The following NSUN7 variants were observed in gnomAD, a reference collection of about 807,000 sequenced individuals.
NSUN7 encodes NOP2/Sun RNA methyltransferase family member 7.
A neutral mutation model predicts 58.5 loss-of-function variants in NSUN7; 39 were observed. The ratio of observed to expected loss-of-function variants is 0.67; its 90% CI spans 0.52 to 0.87. The LOEUF (loss-of-function observed/expected upper bound fraction) is 0.87. NSUN7 is among the 40% of genes least tolerant of loss of function. The pLI is 0.00. For synonymous variants in NSUN7, 278 were observed against 303.7 expected, an observed-to-expected ratio of 0.92 and a Z score of 0.88; for missense variants, 765 against 844.1, an observed-to-expected ratio of 0.91 and a Z score of 1.16.
intron 4 of NSUN7, among the ~76,000 whole-genome samples, chr4:40,769,221 TG>T (rs1013912101): frequency 2.0e-5 from 3 of 152,204 alleles, no homozygotes; most frequent in Non-Finnish European, 4.4e-5. Flanking sequence ...TACATTTCCC[TG>T]GCCTATAACT....
intron 7 of NSUN7, among the ~76,000 whole-genome samples, chr4:40,777,169 A>G (rs1334591707): frequency 1.3e-5 from 2 of 152,090 alleles, no homozygotes; most frequent in African/African-American, 4.8e-5. Context: ...AAAGAATTAG[A>G]ACCCCCATTC....
At position 40,750,269 on chromosome 4, in the gene NSUN7, C is replaced by T. The variant is rs2154286112; in HGVS notation, c.-123C>T. ...CCGACGCCGCCCTCCGCGTCTTCGT[C>T]CCCGAAGCCCCGGGAACCATCCGCC... On this transcript the variant is annotated 5_prime_UTR_variant, in exon 1 of 12. Coordinates refer to ENST00000381782, the MANE Select transcript of NSUN7 (RefSeq NM_024677.6). 1 of 159,446 alleles carries T rather than the reference C, an allele frequency of 6.3e-6. No individual in the cohort carries two copies. 9.9% of individuals were successfully genotyped at this position (159,446 alleles called of 1,614,324 possible).
At chr4:40,789,982 T>A (rs887765128) in intron 7 of NSUN7, among the ~76,000 whole-genome samples, 33 of 151,898 alleles carry the variant, frequency 2.2e-4, no homozygotes, top group African/African-American at 8.0e-4. Flanking sequence ...CTTAAAGGTA[T>A]GATTGATGTT....
chr4:40,767,432 A>C (rs1472684334), intron 4 of NSUN7, among the ~76,000 whole-genome samples: 3 of 152,164 alleles, frequency 2.0e-5, no homozygotes, highest in Non-Finnish European at 4.4e-5. Context: ...GTTTGATTGC[A>C]CTGTGGACTG....
intron 10 of NSUN7, among the ~76,000 whole-genome samples, chr4:40,801,973 A>G (rs1378902210): frequency 1.3e-5 from 2 of 151,690 alleles, no homozygotes; most frequent in East Asian, 3.9e-4. Context: ...AGACATTTGT[A>G]TCAATGTTTT....
chr4:40,767,485 G>T (rs1741791741), intron 4 of NSUN7, among the ~76,000 whole-genome samples: 2 of 152,172 alleles, frequency 1.3e-5, no homozygotes, highest in Non-Finnish European at 2.9e-5. Flanking sequence ...CATTTGCTGA[G>T]GAGAGCTTTA....
intron 7 of NSUN7, among the ~76,000 whole-genome samples, chr4:40,789,192 C>T (rs147056845): frequency 6.6e-6 from 1 of 152,234 alleles, no homozygotes; most frequent in African/African-American, 2.4e-5. Context: ...TACTAATTTA[C>T]AGGAAGTACA....
chr4:40,804,278 A>T (rs1480309683), intron 10 of NSUN7, among the ~76,000 whole-genome samples: 1 of 151,992 alleles, frequency 6.6e-6, no homozygotes, highest in African/African-American at 2.4e-5. Flanking sequence ...CGTCTCTACT[A>T]AAAATAAAAA....
rs756427305 is a variant in NSUN7 at position 40,808,303 on chromosome 4, G to A, written c.1525-4G>A. On this transcript the variant is annotated splice_region_variant and splice_polypyrimidine_tract_variant and intron_variant, in intron 11 of 11. Transcript: ENST00000381782. ...ACATTTAGTAAATGCTTCTTTAATT[G>A]CAGCGGGACCCTTCTGAGACAGTGT... 2.5e-6 allele frequency: 4 copies of A among 1,588,816 alleles called. No homozygotes were observed. The East Asian group carries it at 9.0e-5, about 36-fold the overall frequency.
chr4:40,808,166 A>G, intron 11 of NSUN7, 141 bp from the exon 12 acceptor site: 5 of 902,368 alleles, frequency 5.5e-6, no homozygotes, highest in Non-Finnish European at 8.0e-6. Context: ...GAGATTGGGG[A>G]CTAAGGCCTA....
intron 4 of NSUN7, among the ~76,000 whole-genome samples, chr4:40,768,852 ATCTATT>A (rs2154287275): frequency 6.6e-6 from 1 of 152,292 alleles, no homozygotes; most frequent in Admixed American, 6.5e-5. Context: ...CAGCCCAATA[ATCTATT>A]TCTATTAAAT....
At position 40,776,265 on chromosome 4, in the gene NSUN7, T is replaced by C. The variant is rs1742263524; in HGVS notation, c.1036+6T>C. On this transcript the variant is annotated splice_donor_region_variant and intron_variant, in intron 7 of 11. Transcript: ENST00000381782. ...CACAAAAATAGGATGTAAAAGTATG[T>C]AAAAATATTTCTTCATTTGGTGATT... is the stretch of plus-strand genomic sequence containing the variant. The C allele has an allele frequency of 6.5e-7, 1 of 1,545,020 alleles. No homozygotes were observed. Among genetic ancestry groups the C allele is most frequent in the Middle Eastern group, 1.7e-4 (1 of 5,734 alleles).
At chr4:40,776,745 AGCTGTGACTACAG>A (rs1420427523) in intron 7 of NSUN7, among the ~76,000 whole-genome samples, 4 of 151,952 alleles carry the variant, frequency 2.6e-5, no homozygotes, top group Admixed American at 2.6e-4. Flanking sequence ...CCTCCCAAGT[AGCTGTGACTACAG>A]GCTCATGCCA....
intron 7 of NSUN7, among the ~76,000 whole-genome samples, chr4:40,788,449 TAGG>T (rs780440570): frequency 4.9e-4 from 74 of 151,796 alleles, no homozygotes; most frequent in Non-Finnish European, 9.3e-4. Flanking sequence ...CACAGAGAAG[TAGG>T]AGAAGAATCA....
chr4:40,807,667 C>T (rs1049803011), intron 11 of NSUN7, among the ~76,000 whole-genome samples: 2 of 152,006 alleles, frequency 1.3e-5, no homozygotes, highest in Non-Finnish European at 2.9e-5. Context: ...TTATACTTCC[C>T]CCGAGTGTTC....
Position 40,808,905 on chromosome 4 carries a change from C to T in NSUN7, c.2123C>T (p.Ser708Phe). 1 of 1,538,406 alleles carries T rather than the reference C, an allele frequency of 6.5e-7. No homozygotes were observed. The highest frequency in any genetic ancestry group is 1.4e-5 in the African/African-American group (1 of 72,826). ...KEEKPKDDTP[S>F]SLLRPPRRWL ...GAAAAGCCTAAAGATGACACACCTTCCTCCCTACTCAGGCCTCCTCGGCGA... is the reference window on the plus strand; with the variant it reads ...GAAAAGCCTAAAGATGACACACCTTTCTCCCTACTCAGGCCTCCTCGGCGA... The change falls in exon 12 of 12, where the codon TCC becomes TTC. Residue 708 changes from serine (S) to phenylalanine (F), a missense_variant. Coordinates refer to ENST00000381782, the MANE Select transcript of NSUN7 (RefSeq NM_024677.6).
At chr4:40,803,257 G>A (rs960244988) in intron 10 of NSUN7, among the ~76,000 whole-genome samples, 2 of 152,118 alleles carry the variant, frequency 1.3e-5, no homozygotes, top group African/African-American at 4.8e-5. Flanking sequence ...ACGTGTGCAT[G>A]TGTCTTTATA....
intron 7 of NSUN7, among the ~76,000 whole-genome samples, chr4:40,782,260 C>T (rs62302836): frequency 8.6e-5 from 13 of 152,042 alleles, no homozygotes; most frequent in Non-Finnish European, 1.6e-4. Flanking sequence ...AAGACTTGTA[C>T]AATGAAAAAC....
intron 7 of NSUN7, among the ~76,000 whole-genome samples, chr4:40,779,070 G>A (rs775694420): frequency 1.4e-4 from 22 of 152,228 alleles, no homozygotes; most frequent in Admixed American, 3.3e-4. Context: ...GCTCATGCTG[G>A]TAATCCCAGT....
Sources: gnomAD v4.1 joint callset for allele counts (sites outside exome capture counted in the v4.1 genomes callset) on GRCh38, gnomAD v4.1.1 for gene constraint, MANE v1.5 for transcripts, NCBI Gene and HGNC (gene_info 2026-07-23, HGNC 2026-07-21) for gene names.